The following RNF103 variants were observed in gnomAD, a reference collection of about 807,000 sequenced individuals.
RNF103 encodes E3 ubiquitin-protein ligase RNF103.
A neutral mutation model predicts 66.2 loss-of-function variants in RNF103; 23 were observed. That is an observed-to-expected ratio of 0.35 (90% confidence interval 0.25 to 0.49). The LOEUF (loss-of-function observed/expected upper bound fraction) is 0.49. Among genes scored for constraint, RNF103 ranks in the 20% least tolerant of loss-of-function variants. RNF103 has a pLI of 0.98. For synonymous variants in RNF103, 297 were observed against 289.9 expected (o/e 1.02, Z -0.25); for missense variants, 730 against 814.7 (o/e 0.90, Z 1.27).
intron 3 of RNF103, among the ~76,000 whole-genome samples, chr2:86,607,199 T>C (rs181655498): frequency 7.2e-5 from 11 of 152,346 alleles, no homozygotes; most frequent in African/African-American, 2.6e-4. Flanking sequence ...GTAATAAATA[T>C]CTGACTTCGC....
chr2:86,623,449 C>G lies in RNF103; in HGVS notation c.-563G>C. 1 of 981,684 alleles carries G rather than the reference C, an allele frequency of 1.0e-6. No homozygotes were observed. Among genetic ancestry groups the G allele is most frequent in the Non-Finnish European group, 1.2e-6 (1 of 828,506 alleles). 60.8% of individuals were successfully genotyped at this position (981,684 alleles called of 1,614,324 possible). On this transcript the variant is annotated 5_prime_UTR_variant, in exon 1 of 4. Coordinates refer to ENST00000237455, the MANE Select transcript of RNF103 (RefSeq NM_005667.4). Reference sequence around the variant, plus strand: ...GGCCAGGCCCGGGGCCCAGCGTGTTCTGCGCGGGGAGGAGCGGCCGCCGCA... The same window carrying G: ...GGCCAGGCCCGGGGCCCAGCGTGTTGTGCGCGGGGAGGAGCGGCCGCCGCA...
At chr2:86,607,313 TGAAGA>T (rs1211233697) in intron 3 of RNF103, among the ~76,000 whole-genome samples, 1 of 152,252 alleles carries the variant, frequency 6.6e-6, no homozygotes, top group Non-Finnish European at 1.5e-5. Context: ...TATGATCAGA[TGAAGA>T]GAAGAGTCTT....
chr2:86,604,640 G>C lies in RNF103; in HGVS notation c.1261C>G (p.Leu421Val). 1 of 1,614,190 alleles carries C rather than the reference G, an allele frequency of 6.2e-7. No individual in the cohort carries two copies. Among genetic ancestry groups the C allele is most frequent in the Non-Finnish European group, 8.5e-7 (1 of 1,180,036 alleles). ...MFYSSHPALF[L>V]STYLGHGLLI... ...AAACCATGACCAAGGTATGTACTGA[G>C]AAACAGGGCTGGGTGTGAAGAGTAA... is the stretch of plus-strand genomic sequence containing the variant. The change falls in exon 4 of 4, where the codon CTC becomes GTC. Residue 421 changes from leucine to valine, a missense_variant. Physicochemically the swap from Leu to Val is conservative, Grantham distance 32 (BLOSUM62 1). This residue lies in a region of RNF103 where 355 missense variants were observed against 351.9 expected (regional missense o/e 1.01). Transcript: ENST00000237455.
intron 2 of RNF103, chr2:86,617,845 C>A: frequency 1.8e-6 from 2 of 1,085,126 alleles, no homozygotes; most frequent in Non-Finnish European, 1.1e-6. Context: ...TGCTGATTGG[C>A]TTAGCTGGCT....
In RNF103 at chr2:86,623,293, G is replaced by C. The variant is rs1423709261; in HGVS notation, c.-407C>G. On this transcript the variant is annotated 5_prime_UTR_variant, in exon 1 of 4. Transcript: ENST00000237455. ...GGCCCTCCGGTGCCGCGATCTCAAGGGGGAGGGGGAGACCAAAAAATAACT... is the reference window on the plus strand; with the variant it reads ...GGCCCTCCGGTGCCGCGATCTCAAGCGGGAGGGGGAGACCAAAAAATAACT... The C allele has an allele frequency of 3.0e-6, 3 of 992,180 alleles. No homozygotes were observed. The highest frequency in any genetic ancestry group is 9.1e-5 in the South Asian group (2 of 21,922). 61.5% of individuals were successfully genotyped at this position (992,180 alleles called of 1,614,324 possible).
chr2:86,607,624 A>G (rs776017222), intron 3 of RNF103, among the ~76,000 whole-genome samples: 20 of 152,240 alleles, frequency 1.3e-4, no homozygotes, highest in Non-Finnish European at 2.1e-4. Context: ...ATGCAAAATA[A>G]TAATTCATTG....
rs144891585 is a variant in RNF103 at position 86,622,714 on chromosome 2, C to T, written c.173G>A (p.Gly58Asp). 1 of 1,614,066 alleles carries T rather than the reference C, an allele frequency of 6.2e-7. No homozygotes were observed. Among genetic ancestry groups the T allele is most frequent in the Non-Finnish European group, 8.5e-7 (1 of 1,180,042 alleles). ...CTTCTTCTCGGGCAACCCTGAGTAG[C>T]CCAACCCCCGGCACTCCAAAATGGT... is the stretch of plus-strand genomic sequence containing the variant. ...LKTILECRGL[G>D]YSGLPEKKDV... The change falls in exon 1 of 4, where the codon GGC becomes GAC. Residue 58 changes from glycine to aspartate, a missense_variant. Physicochemically the swap from Gly to Asp is moderately conservative, Grantham distance 94 (BLOSUM62 -1). This residue lies in a region of RNF103 where 327 missense variants were observed against 369.8 expected (regional missense o/e 0.88). Transcript: ENST00000237455.
chr2:86,621,312 A>G (rs1679218780), intron 1 of RNF103, among the ~76,000 whole-genome samples: 1 of 152,184 alleles, frequency 6.6e-6, no homozygotes, highest in African/African-American at 2.4e-5. Context: ...AACAGTCAAA[A>G]GAAAAAAAAA....
chr2:86,617,767 T>C (rs1025438005), intron 2 of RNF103: 14 of 1,015,976 alleles, frequency 1.4e-5, no homozygotes, highest in Non-Finnish European at 1.5e-5. Context: ...TTCTAGTAGA[T>C]ATTTTCAATT....
chr2:86,620,469 C>A lies in RNF103; in HGVS notation c.227G>T (p.Gly76Val). ...KDVRELVEKS[G>V]DLMEGELYSA... ...ATAGAGCTCACCCTCCATCAAGTCA[C>A]CTGAAGAAAGGAAAAGAATAACACT... Residue 76 changes from glycine to valine, a missense_variant and splice_region_variant, in exon 2 of 4, where the codon GGT becomes GTT. This residue lies in a region of RNF103 where 327 missense variants were observed against 369.8 expected (regional missense o/e 0.88). Transcript: ENST00000237455. 6.4e-7 allele frequency: 1 copy of A among 1,565,904 alleles called. No homozygotes were observed. The highest frequency in any genetic ancestry group is 8.7e-7 in the Non-Finnish European group (1 of 1,148,822).
At chr2:86,621,073 T>C (rs79009327) in intron 1 of RNF103, among the ~76,000 whole-genome samples, 2,869 of 152,288 alleles carry the variant, frequency 0.019, 50 homozygotes, top group East Asian at 0.055. Flanking sequence ...TCAAATTATT[T>C]TAACTTTCGC....
At chr2:86,614,837 C>G (rs1434023139) in intron 2 of RNF103, 1 of 985,330 alleles carries the variant, frequency 1.0e-6, no homozygotes. Flanking sequence ...ACTCTTTGCC[C>G]TCTTTTAAAA....
chr2:86,623,204 C>A lies in RNF103; in HGVS notation c.-318G>T. ...AAAGGAGAGGGGCGCGGGGAGAGCT[C>A]GCGGGGAAGAACAAAACGAGGGACG... is the stretch of plus-strand genomic sequence containing the variant. On this transcript the variant is annotated 5_prime_UTR_variant, in exon 1 of 4. Coordinates refer to ENST00000237455, the MANE Select transcript of RNF103 (RefSeq NM_005667.4). 9.7e-7 allele frequency: 1 copy of A among 1,027,214 alleles called. No individual in the cohort carries two copies. The highest frequency in any genetic ancestry group is 1.2e-6 in the Non-Finnish European group (1 of 859,126). 63.6% of individuals were successfully genotyped at this position (1,027,214 alleles called of 1,614,324 possible). A position where few individuals can be genotyped will look rare whatever the true frequency, so the allele number is the denominator to read the frequency against.
Position 86,604,297 on chromosome 2 carries a change from G to C in RNF103, c.1604C>G (p.Thr535Ser), listed in dbSNP as rs34541034. 6.2e-7 allele frequency: 1 copy of C among 1,614,162 alleles called. No homozygotes were observed. Among genetic ancestry groups the C allele is most frequent in the Admixed American group, 1.7e-5 (1 of 60,016 alleles). The change falls in exon 4 of 4, where the codon ACT becomes AGT. Residue 535 changes from threonine (T) to serine (S), a missense_variant. By Grantham distance (58) the Thr-to-Ser change is moderately conservative. This residue lies in a region of RNF103 where 355 missense variants were observed against 351.9 expected (regional missense o/e 1.01). Transcript: ENST00000237455. ...EEEMSEGSQD[T>S]ENDSESENTD... ...GTTCTCACTTTCCGAGTCATTTTCA[G>C]TATCTTGAGACCCCTCCGACATTTC...
At chr2:86,617,216 G>A (rs1418894196) in intron 2 of RNF103, 2 of 985,216 alleles carry the variant, frequency 2.0e-6, no homozygotes, top group Non-Finnish European at 1.2e-6. Context: ...TTAAAAATAT[G>A]AAGAGGATTG....
Position 86,604,040 on chromosome 2 carries a change from A to G in RNF103, c.1861T>C (p.Cys621Arg). Residue 621 changes from cysteine (C) to arginine (R), a missense_variant, in exon 4 of 4, where the codon TGT becomes CGT. This residue lies in a region of RNF103 where 355 missense variants were observed against 351.9 expected (regional missense o/e 1.01). Coordinates refer to ENST00000237455, the MANE Select transcript of RNF103 (RefSeq NM_005667.4). Reference sequence around the variant, plus strand: ...TCAAAATTCTCTAGGCAAACAACACATTCAGTACAGTGCAGCATATCAGCA... The same window carrying G: ...TCAAAATTCTCTAGGCAAACAACACGTTCAGTACAGTGCAGCATATCAGCA... ...WPADMLHCTE[C>R]VVCLENFENG... 1 of 1,614,110 alleles carries G rather than the reference A, an allele frequency of 6.2e-7. No individual in the cohort carries two copies. The highest frequency in any genetic ancestry group is 8.5e-7 in the Non-Finnish European group (1 of 1,180,038).
intron 2 of RNF103, chr2:86,614,920 T>C: frequency 1.0e-6 from 1 of 985,422 alleles, no homozygotes; most frequent in South Asian, 4.7e-5. Flanking sequence ...CAGGTCTGTG[T>C]GCAGAATGAC....
At chr2:86,620,277 A>C in intron 2 of RNF103, 53 bp downstream of exon 2, 1 of 1,525,974 alleles carries the variant, frequency 6.6e-7, no homozygotes, top group Non-Finnish European at 8.9e-7. Flanking sequence ...TATTTTGGTA[A>C]AAATAATTTT....
In RNF103 at chr2:86,623,264, G is replaced by C. The variant is rs975921368; in HGVS notation, c.-378C>G. 2.0e-6 allele frequency: 2 copies of C among 999,742 alleles called. No individual in the cohort carries two copies. The highest frequency in any genetic ancestry group is 1.2e-6 in the Non-Finnish European group (1 of 840,694). 61.9% of individuals were successfully genotyped at this position (999,742 alleles called of 1,614,324 possible). On this transcript the variant is annotated 5_prime_UTR_variant, in exon 1 of 4. Coordinates refer to ENST00000237455, the MANE Select transcript of RNF103 (RefSeq NM_005667.4). The stretch of plus-strand genomic sequence containing the variant: ...GGGCGGGCACTGACCCAGGTGGCGG[G>C]GTCGGCCCTCCGGTGCCGCGATCTC...
Sources: gnomAD v4.1 joint callset for allele counts (sites outside exome capture counted in the v4.1 genomes callset) on GRCh38, gnomAD v4.1.1 for gene constraint, gnomAD v4.1.1 regional missense constraint, MANE v1.5 for transcripts, NCBI Gene and HGNC (gene_info 2026-07-23, HGNC 2026-07-21) for gene names.